Variants in CPXM2 observed in about 807,000 individuals in gnomAD.
CPXM2 encodes the protein carboxypeptidase X, M14 family member 2.
A neutral mutation model predicts 86.1 loss-of-function variants in CPXM2; 66 were observed. That is an observed-to-expected ratio of 0.77 (90% CI 0.63 to 0.94). The LOEUF (loss-of-function observed/expected upper bound fraction) is 0.94, where lower values mean the gene tolerates loss of function less well. CPXM2 is among the 40% of genes least tolerant of loss of function. The pLI is 0.00. For synonymous variants in CPXM2, 388 were observed against 400.2 expected, an observed-to-expected ratio of 0.97 and a Z score of 0.36; for missense variants, 948 against 1,026.3, an observed-to-expected ratio of 0.92 and a Z score of 1.04.
intron 3 of CPXM2, among the ~76,000 whole-genome samples, chr10:123,847,596 T>C (rs1848522327): frequency 6.6e-6 from 1 of 152,152 alleles, no homozygotes; most frequent in African/African-American, 2.4e-5. Context: ...CCAGTAGCTG[T>C]GCCATCCACA....
intron 4 of CPXM2, among the ~76,000 whole-genome samples, chr10:123,807,642 C>G (rs1847608581): frequency 6.6e-6 from 1 of 152,120 alleles, no homozygotes; most frequent in Non-Finnish European, 1.5e-5. Context: ...CGTGGGAGGG[C>G]AGAGGAAGTC....
chr10:123,896,109 T>C (rs750753788), upstream of CPXM2, among the ~76,000 whole-genome samples: 7 of 152,242 alleles, frequency 4.6e-5, no homozygotes, highest in African/African-American at 7.2e-5. Context: ...TGTGCAGGTC[T>C]AGAGAACATT....
chr10:123,874,281 G>A (rs1944942413), intron 2 of CPXM2, among the ~76,000 whole-genome samples: 1 of 152,050 alleles, frequency 6.6e-6, no homozygotes, highest in African/African-American at 2.4e-5. Flanking sequence ...TAACATGGAG[G>A]AAAGGCCAAG....
intron 3 of CPXM2, among the ~76,000 whole-genome samples, chr10:123,846,405 A>G (rs1034571160): frequency 3.9e-5 from 6 of 152,162 alleles, no homozygotes; most frequent in Non-Finnish European, 5.9e-5. Flanking sequence ...TCCTTTGAGC[A>G]TCTAATACCA....
At chr10:123,913,584 A>G (rs1945507984) in intron 2 of CPXM2, 1 of 166,546 alleles carries the variant, frequency 6.0e-6, no homozygotes, top group Non-Finnish European at 1.3e-5. Flanking sequence ...TAAAATTTAA[A>G]TAAGTTTTAA....
rs150171922 is a variant in CPXM2, at chr10:123,830,852, A to ATCTCTC, written c.653+11491_653+11496dup. Among the ~76,000 whole-genome samples the ATCTCTC allele has an allele frequency of 1.8e-3, 253 of 139,884 alleles. 2 individuals are homozygous for ATCTCTC. Among genetic ancestry groups the ATCTCTC allele is most frequent in the African/African-American group, 6.2e-3 (223 of 35,934 alleles). 91.8% of individuals were successfully genotyped at this position (139,884 alleles called of 152,430 possible). ...ACACTTGAAACATGAGTATGCACTC[A>ATCTCTC]TCTCTCTCTCTCTCTCTCTCTGTGT... On this transcript the variant is annotated intron_variant, in intron 4 of 13. Transcript: ENST00000241305.
At chr10:123,829,951 GAAA>G (rs59952078) in intron 4 of CPXM2, among the ~76,000 whole-genome samples, 3 of 114,214 alleles carry the variant, frequency 2.6e-5, no homozygotes, top group Admixed American at 8.9e-5. Context: ...AGCCATTTGA[GAAA>G]AAAAAAAAAA....
chr10:123,902,837 GCTGTTGTCATTCTT>G (rs993190731), intron 2 of CPXM2, among the ~76,000 whole-genome samples: 11 of 152,308 alleles, frequency 7.2e-5, no homozygotes, highest in African/African-American at 2.4e-4. Flanking sequence ...AAGGCTCGCG[GCTGTTGTCATTCTT>G]CATGATGATT....
chr10:123,838,809 A>G (rs7895642), intron 4 of CPXM2, among the ~76,000 whole-genome samples: 89,133 of 151,848 alleles, frequency 0.59, 28,508 homozygotes, highest in African/African-American at 0.82. Context: ...AACAGGCACC[A>G]GGGAAGCGTG....
chr10:123,806,591 C>T lies in CPXM2; in HGVS notation c.654-7392G>A, dbSNP rs1212864493. Among the ~76,000 whole-genome samples the T allele has an allele frequency of 2.6e-5, 4 of 152,280 alleles. No homozygotes were observed. In the East Asian group the frequency reaches 7.7e-4, roughly 29 times the overall value. The stretch of plus-strand genomic sequence containing the variant: ...AGAAGGCTGTATTAGTCCATTCTCA[C>T]ATTGCTATAAAGATCCTACCCGAGA... On this transcript the variant is annotated intron_variant, in intron 4 of 13. Transcript: ENST00000241305.
chr10:123,805,009 T>C (rs192667300), intron 4 of CPXM2, among the ~76,000 whole-genome samples: 1 of 152,242 alleles, frequency 6.6e-6, no homozygotes, highest in African/African-American at 2.4e-5. Context: ...AGAGGACTTA[T>C]TACACATTCA....
At chr10:123,902,055 A>T (rs1945387351) in intron 2 of CPXM2, among the ~76,000 whole-genome samples, 1 of 152,238 alleles carries the variant, frequency 6.6e-6, no homozygotes. Flanking sequence ...AAATGTTTAA[A>T]TGTTTTTCAA....
intron 2 of CPXM2, among the ~76,000 whole-genome samples, chr10:123,928,491 A>G (rs773999836): frequency 2.0e-5 from 3 of 152,212 alleles, no homozygotes; most frequent in Non-Finnish European, 4.4e-5. Context: ...AAATTGTGGC[A>G]TCTCTCTCCC....
Position 123,746,971 on chromosome 10 carries a change from C to G in CPXM2, c.2064G>C (p.Val688=). 1 of 1,614,180 alleles carries G rather than the reference C, an allele frequency of 6.2e-7. No homozygotes were observed. Among genetic ancestry groups the G allele is most frequent in the Admixed American group, 1.7e-5 (1 of 60,026 alleles). ...YWRLLNPGEY[V]VTAKAEGFTA... is the part of the protein sequence containing the mutation. ...TGAAACCTTCGGCCTTTGCTGTGACCACATACTCTCCAGGGTTCAGGAGGC... is the reference window on the plus strand; with the variant it reads ...TGAAACCTTCGGCCTTTGCTGTGACGACATACTCTCCAGGGTTCAGGAGGC... The change falls in exon 14 of 14, where the codon GTG becomes GTC. Residue 688 remains valine, a synonymous_variant. Coordinates refer to ENST00000241305, the MANE Select transcript of CPXM2 (RefSeq NM_198148.3).
chr10:123,830,872 C>CTCTCTGTGTGTGTGTG (rs1258897184), intron 4 of CPXM2, among the ~76,000 whole-genome samples: 44 of 142,798 alleles, frequency 3.1e-4, no homozygotes, highest in African/African-American at 1.1e-3. Flanking sequence ...CTCTCTCTCT[C>CTCTCTGTGTGTGTGTG]TGTGTGTGTG....
chr10:123,747,059 C>A, intron 13 of CPXM2, 42 bp from the exon 14 acceptor site: 1 of 1,599,756 alleles, frequency 6.3e-7, no homozygotes, highest in Non-Finnish European at 8.5e-7. Context: ...GCAGCTCTTG[C>A]TAATGCAGAT....
intron 4 of CPXM2, among the ~76,000 whole-genome samples, chr10:123,832,988 G>C (rs79962870): frequency 0.12 from 17,580 of 152,114 alleles, 1,182 homozygotes; most frequent in East Asian, 0.33. Flanking sequence ...GGAGGATGCA[G>C]CAACAAGGCG....
At chr10:123,827,621 A>G (rs1304457849) in intron 4 of CPXM2, among the ~76,000 whole-genome samples, 1 of 152,254 alleles carries the variant, frequency 6.6e-6, no homozygotes, top group Non-Finnish European at 1.5e-5. Context: ...AAGATTCAAC[A>G]TGGTAAAGAT....
In CPXM2 at chr10:123,766,875, G is replaced by C. The variant is rs1183046531; in HGVS notation, c.1479+98C>G. On this transcript the variant is annotated intron_variant, in intron 10 of 13. Coordinates refer to ENST00000241305, the MANE Select transcript of CPXM2 (RefSeq NM_198148.3). Reference sequence around the variant, plus strand: ...GGAGAAAACATGAAAGAAAAAAACAGTTTTGTCTCTTTCTTAAATGTGCTA... The same window carrying C: ...GGAGAAAACATGAAAGAAAAAAACACTTTTGTCTCTTTCTTAAATGTGCTA... 12 of 991,410 alleles carry C rather than the reference G, an allele frequency of 1.2e-5. No homozygotes were observed. In the Admixed American group the frequency reaches 2.4e-4, roughly 20 times the overall value. 61.4% of individuals were successfully genotyped at this position (991,410 alleles called of 1,614,324 possible). A position where few individuals can be genotyped will look rare whatever the true frequency, so the allele number is the denominator to read the frequency against.
Sources: gnomAD v4.1 joint callset for allele counts (sites outside exome capture counted in the v4.1 genomes callset) on GRCh38, gnomAD v4.1.1 for gene constraint, MANE v1.5 for transcripts, NCBI Gene and HGNC (gene_info 2026-07-23, HGNC 2026-07-21) for gene names.